Variants in ZNF467 observed in about 807,000 individuals in gnomAD.
ZNF467 encodes the protein zinc finger protein 467, also known as zinc finger protein EZI.
ZNF467 carries 51 observed loss-of-function variants against 47.8 expected under a neutral mutation model. That is an observed-to-expected ratio of 1.07 (90% CI 0.85 to 1.35). ZNF467 has a LOEUF of 1.35. Ranked by LOEUF, ZNF467 falls within the 40% of genes most tolerant of loss-of-function variation. The pLI, the probability that ZNF467 is intolerant of heterozygous loss-of-function variation, is 0.00. For synonymous variants in ZNF467, 416 were observed against 372.9 expected, an observed-to-expected ratio of 1.12 and a Z score of -1.33; for missense variants, 992 against 858.1, an observed-to-expected ratio of 1.16 and a Z score of -1.95.
At chr7:149,768,945 G>GGGCCTGAAC in intron 4 of ZNF467, 145 bp downstream of exon 4, 1 of 594,326 alleles carries the variant, frequency 1.7e-6, no homozygotes, top group Non-Finnish European at 2.8e-6. Context: ...AAAGGTGCCA[G>GGGCCTGAAC]GGCCTGAACT....
upstream of ZNF467, chr7:149,776,184 C>T (rs983918098): frequency 4.1e-5 from 45 of 1,100,718 alleles, no homozygotes; most frequent in African/African-American, 6.5e-4. Context: ...TGCCCCCCAC[C>T]CCCGGGATCC....
upstream of ZNF467, among the ~76,000 whole-genome samples, chr7:149,775,708 TACACACACACACACACACACACACACAC>T (rs3085320): frequency 7.2e-6 from 1 of 138,896 alleles, no homozygotes; most frequent in Admixed American, 7.3e-5. Flanking sequence ...AGTGTGAAAA[TACACACACACACACACACACACACACAC>T]ACACACACAC....
chr7:149,765,206 GAA>G lies in ZNF467; in HGVS notation c.1294_1295del (p.Phe432LeufsTer33). On this transcript the variant is annotated frameshift_variant, in exon 5 of 5. Coordinates refer to ENST00000302017, the MANE Select transcript of ZNF467 (RefSeq NM_207336.3). LOFTEE classifies it high-confidence loss of function. The stretch of plus-strand genomic sequence containing the variant: ...AGAAGCCGCGCCCGCAGTCCGGGCA[GAA>G]GAAGGACCGCTCGCCCGAGGGGGCG... ...QRAPSGERSFFCPDCGRGFSH... is the reference protein window; with the variant it reads ...QRAPSGERSFXCPDCGRGFSH... The G allele has an allele frequency of 6.6e-7, 1 of 1,504,690 alleles. No individual in the cohort carries two copies. The highest frequency in any genetic ancestry group is 1.4e-5 in the African/African-American group (1 of 70,762). 93.2% of individuals were successfully genotyped at this position (1,504,690 alleles called of 1,614,324 possible).
In ZNF467 at chr7:149,765,539, C is replaced by T. The variant is rs1213148811; in HGVS notation, c.963G>A (p.Val321=). The T allele has an allele frequency of 6.3e-7, 1 of 1,581,238 alleles. No homozygotes were observed. Among genetic ancestry groups the T allele is most frequent in the Admixed American group, 1.8e-5 (1 of 54,148 alleles). Residue 321 remains valine, a synonymous_variant, in exon 5 of 5, where the codon GTG becomes GTA. Coordinates refer to ENST00000302017, the MANE Select transcript of ZNF467 (RefSeq NM_207336.3). The part of the protein sequence containing the change: ...HKQHLVRHQR[V]HQTAGPARPS... ...GCCTGGCCGGGCCGGCCGTCTGGTG[C>T]ACCCTTTGGTGCCGCACCAAGTGCT...
chr7:149,769,810 A>C lies in ZNF467; in HGVS notation c.152-610T>G, dbSNP rs1231713411. Among the ~76,000 whole-genome samples the C allele has an allele frequency of 1.3e-5, 2 of 152,172 alleles. No homozygotes were observed. The highest frequency in any genetic ancestry group is 2.9e-5 in the Non-Finnish European group (2 of 68,032). On this transcript the variant is annotated intron_variant, in intron 3 of 4. Coordinates refer to ENST00000302017, the MANE Select transcript of ZNF467 (RefSeq NM_207336.3). The surrounding 1 kb of genome is among the most constrained non-coding windows in gnomAD (Gnocchi z 5.3). The stretch of plus-strand genomic sequence containing the variant: ...ATCCTCCTGCCCCAGCCTCCCAAGT[A>C]GCTGGGAACACAGGCATGAGCCACC...
chr7:149,771,976 C>T (rs1381507527), intron 1 of ZNF467, among the ~76,000 whole-genome samples: 2 of 149,946 alleles, frequency 1.3e-5, no homozygotes, highest in East Asian at 2.0e-4. Flanking sequence ...TCCCCTCCCC[C>T]TCTCAGACTC....
At chr7:149,768,962 G>C (rs113680332) in intron 4 of ZNF467, 128 bp downstream of exon 4, 10,005 of 727,328 alleles carry the variant, frequency 0.014, 105 homozygotes, top group African/African-American at 0.036. Flanking sequence ...AACTCAACTT[G>C]GGTTAGAAGG....
chr7:149,765,414 C>G lies in ZNF467; in HGVS notation c.1088G>C (p.Ser363Thr), dbSNP rs1421622707. The change falls in exon 5 of 5, where the codon AGC becomes ACC. Residue 363 changes from serine to threonine, a missense_variant. Physicochemically the swap from Ser to Thr is moderately conservative, Grantham distance 58. Coordinates refer to ENST00000302017, the MANE Select transcript of ZNF467 (RefSeq NM_207336.3). Reference protein sequence around the residue: ...KPFACSDCGLSFGWKKNLATH... With the variant: ...KPFACSDCGLTFGWKKNLATH... ...GGCGAGGTTCTTTTTCCAGCCGAAG[C>G]TCAAGCCGCAGTCGGAGCACGCGAA... is the stretch of plus-strand genomic sequence containing the variant. 17 of 1,574,576 alleles carry G rather than the reference C, an allele frequency of 1.1e-5. No individual in the cohort carries two copies. The highest frequency in any genetic ancestry group is 1.2e-5 in the Non-Finnish European group (14 of 1,161,032).
intron 1 of ZNF467, among the ~76,000 whole-genome samples, 164 bp downstream of exon 1, chr7:149,772,944 C>T (rs1328946952): frequency 2.1e-5 from 3 of 141,522 alleles, no homozygotes; most frequent in Non-Finnish European, 4.6e-5. Flanking sequence ...GCCCTCCCTT[C>T]CCCCCAGCCC....
At position 149,770,573 on chromosome 7, in the gene ZNF467, G is replaced by C; in HGVS notation, c.35-17C>G. ...CAGAGAATCCTGTTACAGGCAGAAG[G>C]ATGGGTCCAAGTAAAGCATCCAGTA... On this transcript the variant is annotated splice_polypyrimidine_tract_variant and intron_variant, in intron 2 of 4. Transcript: ENST00000302017. 1 of 1,601,668 alleles carries C rather than the reference G, an allele frequency of 6.2e-7. No individual in the cohort carries two copies. Among genetic ancestry groups the C allele is most frequent in the Middle Eastern group, 1.7e-4 (1 of 6,024 alleles).
Position 149,769,320 on chromosome 7 carries a change from C to T in ZNF467, c.152-120G>A. 1 of 843,570 alleles carries T rather than the reference C, an allele frequency of 1.2e-6. No homozygotes were observed. Among genetic ancestry groups the T allele is most frequent in the Non-Finnish European group, 1.8e-6 (1 of 561,072 alleles). The allele number at this position is 843,570 out of a possible 1,614,324, so 52.3% of individuals were successfully genotyped here. ...GGCTCCAGCAGGGCCCACAGGGTTC[C>T]TCCCACATCCTACCTGAATTAAGGG... On this transcript the variant is annotated intron_variant, in intron 3 of 4. Coordinates refer to ENST00000302017, the MANE Select transcript of ZNF467 (RefSeq NM_207336.3). This position sits in a 1 kb window ranked among gnomAD's most constrained non-coding sequence, Gnocchi z 5.3.
In ZNF467 at chr7:149,764,311, G is replaced by C. The variant is rs1799069155; in HGVS notation, c.*403C>G. 2 of 458,712 alleles carry C rather than the reference G, an allele frequency of 4.4e-6. No homozygotes were observed. The highest frequency in any genetic ancestry group is 5.5e-4 in the Middle Eastern group (1 of 1,824). The allele number at this position is 458,712 out of a possible 1,614,324, so 28.4% of individuals were successfully genotyped here. On this transcript the variant is annotated 3_prime_UTR_variant, in exon 5 of 5. Coordinates refer to ENST00000302017, the MANE Select transcript of ZNF467 (RefSeq NM_207336.3). The stretch of plus-strand genomic sequence containing the variant: ...GTGTGTGGATGGAGGTGGGACAGTG[G>C]CTAAGGAGAGTCAGGTGTTCCCTCC...
upstream of ZNF467, chr7:149,776,508 T>TGGG: frequency 7.6e-7 from 1 of 1,313,000 alleles, no homozygotes; most frequent in Non-Finnish European, 1.0e-6. Context: ...CCCCAGCGCC[T>TGGG]GGGCTCTGTC....
At chr7:149,772,090 A>G (rs1430564114) in intron 1 of ZNF467, among the ~76,000 whole-genome samples, 1 of 66,500 alleles carries the variant, frequency 1.5e-5, no homozygotes, top group Non-Finnish European at 2.8e-5. Context: ...TTCCTCGCCA[A>G]CCCCCGCCCT....
In ZNF467 at chr7:149,773,354, CG is replaced by C. The variant is rs1303881745; in HGVS notation, c.-290del. The C allele has an allele frequency of 6.6e-6, 1 of 151,092 alleles. No homozygotes were observed. The highest frequency in any genetic ancestry group is 2.4e-5 in the African/African-American group (1 of 40,948). The allele number at this position is 151,092 out of a possible 1,614,324, so 9.4% of individuals were successfully genotyped here. On this transcript the variant is annotated 5_prime_UTR_variant, in exon 1 of 5. Coordinates refer to ENST00000302017, the MANE Select transcript of ZNF467 (RefSeq NM_207336.3). ...GAGCGGGCGGAGAGCCCCGGCGCAC[CG>C]GGCTGGGGGAGGCAGGGGCAGGGGG...
chr7:149,766,018 A>G lies in ZNF467; in HGVS notation c.484T>C (p.Cys162Arg). ...WGPMPEKPYGCGECERRFRDQ... is the reference protein window; with the variant it reads ...WGPMPEKPYGRGECERRFRDQ... Reference sequence around the variant, plus strand: ...CGGAAGCGCCGCTCACACTCCCCGCAGCCGTAGGGCTTCTCCGGCATCGGA... The same window carrying G: ...CGGAAGCGCCGCTCACACTCCCCGCGGCCGTAGGGCTTCTCCGGCATCGGA... The change falls in exon 5 of 5, where the codon TGC becomes CGC. Residue 162 changes from cysteine (C) to arginine (R), a missense_variant. Transcript: ENST00000302017. The G allele has an allele frequency of 6.3e-7, 1 of 1,577,894 alleles. No homozygotes were observed. Among genetic ancestry groups the G allele is most frequent in the Non-Finnish European group, 8.6e-7 (1 of 1,161,770 alleles).
At chr7:149,774,680 G>A (rs781169199), upstream of ZNF467, among the ~76,000 whole-genome samples, 6 of 152,184 alleles carry the variant, frequency 3.9e-5, no homozygotes, top group Non-Finnish European at 7.4e-5. This position sits in a 1 kb window ranked among gnomAD's most constrained non-coding sequence, Gnocchi z 5.7. Context: ...ACCTGTGCCG[G>A]TGTTGTGAGA....
At chr7:149,773,927 G>C (rs1294325852), upstream of ZNF467, among the ~76,000 whole-genome samples, 2 of 152,186 alleles carry the variant, frequency 1.3e-5, no homozygotes, top group African/African-American at 4.8e-5. Flanking sequence ...AGGCGGGAGA[G>C]AGGGCTGGGC....
intron 4 of ZNF467, among the ~76,000 whole-genome samples, chr7:149,767,693 G>A (rs1326557543): frequency 6.6e-6 from 1 of 152,124 alleles, no homozygotes; most frequent in Non-Finnish European, 1.5e-5. Flanking sequence ...CTGTGACTAT[G>A]GGTGTGCACC....
Sources: gnomAD v4.1 joint callset for allele counts (sites outside exome capture counted in the v4.1 genomes callset) on GRCh38, gnomAD v4.1.1 for gene constraint, Gnocchi (gnomAD v3.1) non-coding constraint, MANE v1.5 for transcripts, NCBI Gene and HGNC (gene_info 2026-07-23, HGNC 2026-07-21) for gene names.